PRKCQ: variants seen among roughly 807,000 people sequenced by gnomAD.
PRKCQ encodes protein kinase C theta.
Under a neutral mutation model 91.2 loss-of-function variants are expected in PRKCQ, and 41 were observed. The ratio of observed to expected loss-of-function variants is 0.45; its 90% CI spans 0.35 to 0.58. PRKCQ has a LOEUF of 0.58. Among genes scored for constraint, PRKCQ ranks in the 20% least tolerant of loss-of-function variants. The pLI is 0.00. For missense variants in PRKCQ, 673 were observed against 896.5 expected, an observed-to-expected ratio of 0.75 and a Z score of 3.18; for synonymous variants, 307 against 316.9, an observed-to-expected ratio of 0.97 and a Z score of 0.33.
intron 4 of PRKCQ, among the ~76,000 whole-genome samples, chr10:6,501,909 G>C (rs1270338302): frequency 6.6e-6 from 1 of 152,144 alleles, no homozygotes; most frequent in Non-Finnish European, 1.5e-5. Flanking sequence ...CAACCTCCCA[G>C]AATCAGAGGA....
At chr10:6,447,207 GA>G (rs538304066) in intron 15 of PRKCQ, among the ~76,000 whole-genome samples, 3,450 of 152,222 alleles carry the variant, frequency 0.023, 103 homozygotes, top group African/African-American at 0.065. Context: ...AAGAGATCGA[GA>G]CCATCCTGGC....
intron 12 of PRKCQ, among the ~76,000 whole-genome samples, chr10:6,476,277 T>A (rs1322024148): frequency 7.5e-6 from 1 of 133,484 alleles, no homozygotes; most frequent in East Asian, 2.2e-4. Context: ...CCAATAGCCT[T>A]CCCCGTAAGA....
At chr10:6,403,329 A>T in the PRKCQ span, among the ~76,000 whole-genome samples, 1 of 152,218 alleles carries the variant, frequency 6.6e-6, no homozygotes, top group African/African-American at 2.4e-5. Context: ...GGGCAAGGCT[A>T]TGGAGTAGGG....
At chr10:6,480,815 C>T (rs190506156) in intron 11 of PRKCQ, among the ~76,000 whole-genome samples, 28 of 152,256 alleles carry the variant, frequency 1.8e-4, no homozygotes, top group Admixed American at 9.2e-4. Flanking sequence ...TTAAAAGCGA[C>T]GGAGCAGGTT....
intron 16 of PRKCQ, among the ~76,000 whole-genome samples, chr10:6,433,483 C>T (rs1301808418): frequency 1.3e-5 from 2 of 152,046 alleles, no homozygotes; most frequent in Non-Finnish European, 2.9e-5. Flanking sequence ...AGCTGTCTTT[C>T]CATTTTGTTT....
At chr10:6,580,468 C>T (rs1428844793), upstream of PRKCQ, 1 of 152,094 alleles carries the variant, frequency 6.6e-6, no homozygotes, top group Non-Finnish European at 1.5e-5. Context: ...GCCCCCGGTC[C>T]CGCGCCCAGG....
At chr10:6,450,030 G>A (rs1245028670) in intron 15 of PRKCQ, among the ~76,000 whole-genome samples, 2 of 150,348 alleles carry the variant, frequency 1.3e-5, no homozygotes, top group South Asian at 2.1e-4. Context: ...ATCAACTAAC[G>A]AGCAAAATAA....
At chr10:6,499,068 G>A (rs1009554020) in intron 4 of PRKCQ, among the ~76,000 whole-genome samples, 1 of 152,166 alleles carries the variant, frequency 6.6e-6, no homozygotes, top group Non-Finnish European at 1.5e-5. Context: ...TAGACTAGGG[G>A]GAGCTGACCA....
intron 12 of PRKCQ, among the ~76,000 whole-genome samples, chr10:6,467,331 CAGACAGAGAGAG>C: frequency 9.3e-6 from 1 of 107,086 alleles, no homozygotes. Context: ...CAGAGAGAGA[CAGACAGAGAGAG>C]AGAGAGAGAG....
At chr10:6,483,208 G>A (rs906278849) in intron 11 of PRKCQ, among the ~76,000 whole-genome samples, 1 of 152,134 alleles carries the variant, frequency 6.6e-6, no homozygotes, top group Admixed American at 6.6e-5. Flanking sequence ...AGGCGTGTGA[G>A]ATGTACACTC....
intron 1 of PRKCQ, among the ~76,000 whole-genome samples, chr10:6,548,735 G>A (rs548650468): frequency 8.9e-6 from 1 of 112,934 alleles, no homozygotes; most frequent in Non-Finnish European, 1.8e-5. Flanking sequence ...GACTGTTGTG[G>A]GGTGGGGGGA....
rs748571161 is a variant in PRKCQ, at chr10:6,430,812, C to T, written c.1963G>A (p.Val655Met). 1.9e-6 allele frequency: 3 copies of T among 1,613,812 alleles called. No individual in the cohort carries two copies. Among genetic ancestry groups the T allele is most frequent in the Non-Finnish European group, 1.7e-6 (2 of 1,179,780 alleles). The change falls in exon 17 of 18, where the codon GTG becomes ATG. Residue 655 changes from valine (V) to methionine (M), a missense_variant and splice_region_variant. Physicochemically the swap from Val to Met is conservative, Grantham distance 21. Transcript: ENST00000263125. The surrounding 1 kb of genome is among the most constrained non-coding windows in gnomAD (Gnocchi z 4.7). Reference protein sequence around the residue: ...KEIDPPFRPKVKSPFDCSNFD... With the variant: ...KEIDPPFRPKMKSPFDCSNFD... The stretch of plus-strand genomic sequence containing the variant: ...GCGGCCCATGAGCGAGTCCTTACCA[C>T]TTTCGGCCGGAACGGTGGGTCAATC...
At chr10:6,429,556 C>T (rs1833300361) in intron 17 of PRKCQ, among the ~76,000 whole-genome samples, 2 of 152,088 alleles carry the variant, frequency 1.3e-5, no homozygotes. Flanking sequence ...GTTGGGAAGT[C>T]CATGAGCCTG....
intron 13 of PRKCQ, among the ~76,000 whole-genome samples, chr10:6,464,100 CTAAG>C (rs1180229426): frequency 2.0e-5 from 3 of 152,190 alleles, no homozygotes; most frequent in Non-Finnish European, 2.9e-5. Flanking sequence ...CCTTAAGAAA[CTAAG>C]TAGTTAGTTT....
chr10:6,408,295 C>T, the PRKCQ span, among the ~76,000 whole-genome samples: 1 of 152,080 alleles, frequency 6.6e-6, no homozygotes, highest in Non-Finnish European at 1.5e-5. Flanking sequence ...CAAATTAGTA[C>T]TTGGACATAG....
intron 12 of PRKCQ, among the ~76,000 whole-genome samples, chr10:6,470,523 AAC>A: frequency 6.6e-6 from 1 of 152,366 alleles, no homozygotes; most frequent in South Asian, 2.1e-4. Flanking sequence ...TGCTAGGAAC[AAC>A]ACATATTAAA....
At chr10:6,449,943 T>A (rs878909349) in intron 15 of PRKCQ, among the ~76,000 whole-genome samples, 1 of 152,072 alleles carries the variant, frequency 6.6e-6, no homozygotes, top group Admixed American at 6.6e-5. Context: ...GCACTAAACA[T>A]GGAAAGGCAC....
At chr10:6,503,508 G>C (rs930172647) in intron 4 of PRKCQ, among the ~76,000 whole-genome samples, 1 of 151,942 alleles carries the variant, frequency 6.6e-6, no homozygotes, top group Non-Finnish European at 1.5e-5. Context: ...GGATTTCAAA[G>C]AGAAAGAACA....
intron 1 of PRKCQ, among the ~76,000 whole-genome samples, chr10:6,577,111 C>A (rs138857012): frequency 6.6e-6 from 1 of 152,072 alleles, no homozygotes; most frequent in Non-Finnish European, 1.5e-5. Context: ...CCTACAGCAA[C>A]CTGCAGAAAG....
Sources: gnomAD v4.1 joint callset for allele counts (sites outside exome capture counted in the v4.1 genomes callset) on GRCh38, gnomAD v4.1.1 for gene constraint, Gnocchi (gnomAD v3.1) non-coding constraint, MANE v1.5 for transcripts, NCBI Gene and HGNC (gene_info 2026-07-23, HGNC 2026-07-21) for gene names.